FOXP1: variants seen among roughly 807,000 people sequenced by gnomAD.
FOXP1 encodes forkhead box P1.
In FOXP1, 15 loss-of-function variants were observed where a neutral mutation model predicts 98.2. The observed-to-expected ratio is 0.15, with a 90% confidence interval of 0.10 to 0.24. The LOEUF (loss-of-function observed/expected upper bound fraction) is 0.24, where lower values mean the gene tolerates loss of function less well. Among genes scored for constraint, FOXP1 ranks in the 10% least tolerant of loss-of-function variants. The pLI is 1.00. For missense variants in FOXP1, 633 were observed against 848.5 expected (o/e 0.75, Z 3.15); for synonymous variants, 371 against 314.5 (o/e 1.18, Z -1.90).
At chr3:71,006,430 A>G (rs927223133) in intron 12 of FOXP1, among the ~76,000 whole-genome samples, 1 of 152,084 alleles carries the variant, frequency 6.6e-6, no homozygotes, top group Admixed American at 6.6e-5. Context: ...ATTTTTCCCT[A>G]AAGAGACAGC....
At chr3:71,202,617 T>C (rs1351797333) in intron 5 of FOXP1, among the ~76,000 whole-genome samples, 1 of 152,226 alleles carries the variant, frequency 6.6e-6, no homozygotes, top group Non-Finnish European at 1.5e-5. Flanking sequence ...GGTTAAGGGA[T>C]AGATGTAGCC....
At chr3:71,185,405 T>G (rs996887019) in intron 6 of FOXP1, among the ~76,000 whole-genome samples, 2 of 152,220 alleles carry the variant, frequency 1.3e-5, no homozygotes, top group Non-Finnish European at 1.5e-5. Flanking sequence ...GCCTTCGAAT[T>G]TGGCAACTAT....
chr3:71,531,571 G>C (rs1429175448), intron 2 of FOXP1, among the ~76,000 whole-genome samples: 1 of 152,208 alleles, frequency 6.6e-6, no homozygotes, highest in African/African-American at 2.4e-5. Context: ...TGCCTTGTTA[G>C]GAGTAAGAAG....
intron 6 of FOXP1, among the ~76,000 whole-genome samples, chr3:71,168,929 T>C (rs1023080315): frequency 1.5e-4 from 23 of 152,318 alleles, no homozygotes; most frequent in African/African-American, 5.3e-4. Context: ...ATTTAATTAC[T>C]TCTCCTTTCA....
intron 2 of FOXP1, among the ~76,000 whole-genome samples, chr3:71,502,121 G>A (rs566289068): frequency 6.6e-6 from 1 of 152,326 alleles, no homozygotes; most frequent in South Asian, 2.1e-4. Context: ...GGGAACTCCA[G>A]AATCATTTTC....
chr3:71,536,375 T>C, intron 2 of FOXP1, among the ~76,000 whole-genome samples: 1 of 152,166 alleles, frequency 6.6e-6, no homozygotes, highest in East Asian at 1.9e-4. Context: ...AGAGGGTCTA[T>C]GTCTTCACCT....
At chr3:71,029,023 T>C (rs1190284422) in intron 11 of FOXP1, among the ~76,000 whole-genome samples, 1 of 152,344 alleles carries the variant, frequency 6.6e-6, no homozygotes, top group South Asian at 2.1e-4. Context: ...CTCACTCACG[T>C]GCCTCACCTC....
chr3:71,472,793 A>T (rs1194204584), intron 3 of FOXP1, among the ~76,000 whole-genome samples: 1 of 152,252 alleles, frequency 6.6e-6, no homozygotes, highest in East Asian at 1.9e-4. Flanking sequence ...AAACTAGTCT[A>T]CATATTAACC....
rs116651389 is a variant in FOXP1, at chr3:71,568,943, A to G, written c.-298+12606T>C. Among the ~76,000 whole-genome samples the G allele has an allele frequency of 5.0e-3, 764 of 152,334 alleles. 12 individuals are homozygous for G. The highest frequency in any genetic ancestry group is 0.018 in the African/African-American group (734 of 41,590). ...ATTACAGGCGTGAGCCACTGTGCCCAGCCTGTTCTCTGAATTTTCAAATGC... is the reference window on the plus strand; with the variant it reads ...ATTACAGGCGTGAGCCACTGTGCCCGGCCTGTTCTCTGAATTTTCAAATGC... On this transcript the variant is annotated intron_variant, in intron 2 of 20. Coordinates refer to ENST00000649528, the MANE Select transcript of FOXP1 (RefSeq NM_001349338.3).
At chr3:71,484,177 G>A (rs564657982) in intron 3 of FOXP1, among the ~76,000 whole-genome samples, 10 of 152,244 alleles carry the variant, frequency 6.6e-5, no homozygotes, top group South Asian at 2.1e-4. Flanking sequence ...TTATAACAGC[G>A]TGGAGAGATT....
intron 4 of FOXP1, among the ~76,000 whole-genome samples, chr3:71,319,273 T>C (rs1033146322): frequency 1.3e-5 from 2 of 152,034 alleles, no homozygotes; most frequent in African/African-American, 4.8e-5. Context: ...ACAATAAGGG[T>C]TATTTTTGTT....
intron 6 of FOXP1, among the ~76,000 whole-genome samples, chr3:71,132,877 C>G (rs1335065033): frequency 6.6e-6 from 1 of 151,948 alleles, no homozygotes; most frequent in African/African-American, 2.4e-5. Flanking sequence ...TTTCAAGACA[C>G]CTCTGCCATG....
chr3:71,358,941 T>C (rs75405725), intron 4 of FOXP1, among the ~76,000 whole-genome samples: 3,094 of 152,252 alleles, frequency 0.02, 53 homozygotes, highest in Middle Eastern at 0.072. Flanking sequence ...CCCACAAATA[T>C]GATCCCCGTT....
intron 12 of FOXP1, among the ~76,000 whole-genome samples, chr3:71,008,436 T>A (rs888568187): frequency 6.6e-6 from 1 of 152,166 alleles, no homozygotes; most frequent in Non-Finnish European, 1.5e-5. Flanking sequence ...CTCTGGATGA[T>A]ACGGGACTTG....
intron 3 of FOXP1, among the ~76,000 whole-genome samples, chr3:71,365,776 A>C (rs1230509141): frequency 6.6e-6 from 1 of 152,214 alleles, no homozygotes; most frequent in Non-Finnish European, 1.5e-5. Context: ...CGAGGTCAAG[A>C]GATGGAGACC....
chr3:71,236,607 C>T (rs1207295920), intron 5 of FOXP1, among the ~76,000 whole-genome samples: 3 of 152,170 alleles, frequency 2.0e-5, no homozygotes, highest in Non-Finnish European at 4.4e-5. Flanking sequence ...TAGTGGCTCA[C>T]ACCTGTAATC....
chr3:71,198,016 C>T, intron 6 of FOXP1, 186 bp downstream of exon 6: 1 of 1,614,250 alleles, frequency 6.2e-7, no homozygotes, highest in Non-Finnish European at 8.5e-7. Context: ...TGAAATTAGT[C>T]TCTTAAGCCA....
intron 12 of FOXP1, among the ~76,000 whole-genome samples, chr3:71,003,714 T>A (rs894947315): frequency 6.6e-6 from 1 of 152,174 alleles, no homozygotes; most frequent in African/African-American, 2.4e-5. Flanking sequence ...GATTGGAGGA[T>A]TTTTATCAGC....
intron 3 of FOXP1, among the ~76,000 whole-genome samples, chr3:71,413,259 GACACACAC>G (rs528319234): frequency 2.3e-4 from 15 of 64,414 alleles, no homozygotes; most frequent in Non-Finnish European, 3.0e-4. Flanking sequence ...CCCCCAAATA[GACACACAC>G]ACACACACAC....
Sources: allele counts gnomAD v4.1 joint callset (sites outside exome capture counted in the v4.1 genomes callset), GRCh38; gene constraint gnomAD v4.1.1; transcripts MANE v1.5; gene names NCBI Gene and HGNC (gene_info 2026-07-23, HGNC 2026-07-21).